The following ANKRD17 variants were observed in gnomAD, a reference collection of about 807,000 sequenced individuals.
ANKRD17 encodes ankyrin repeat domain-containing protein 17.
In ANKRD17, 19 loss-of-function variants were observed where a neutral mutation model predicts 229.7. The observed-to-expected ratio is 0.08, with a 90% confidence interval of 0.06 to 0.12. ANKRD17 has a LOEUF of 0.12. Among genes scored for constraint, ANKRD17 ranks in the 10% least tolerant of loss-of-function variants. The pLI is 1.00. For synonymous variants in ANKRD17, 1,112 were observed against 1,146.1 expected (o/e 0.97, Z 0.60); for missense variants, 2,176 against 3,176.8 (o/e 0.68, Z 7.57).
chr4:73,225,878 A>G (rs896787515), intron 1 of ANKRD17, among the ~76,000 whole-genome samples: 1 of 150,072 alleles, frequency 6.7e-6, no homozygotes, highest in Non-Finnish European at 1.5e-5. Flanking sequence ...AAAAAAAAAA[A>G]AAAAAAAGAA....
intron 16 of ANKRD17, among the ~76,000 whole-genome samples, chr4:73,132,710 T>C (rs1728379362): frequency 6.6e-6 from 1 of 152,192 alleles, no homozygotes; most frequent in African/African-American, 2.4e-5. Flanking sequence ...AAAAATTACA[T>C]GTAACTTCTC....
Position 73,139,839 on chromosome 4 carries a change from T to C in ANKRD17, c.2777A>G (p.Tyr926Cys), listed in dbSNP as rs1218025101. ...GVGEQLSEGDYARLQQVDPVL... is the reference protein window; with the variant it reads ...GVGEQLSEGDCARLQQVDPVL... ...AGGATCCACTTGCTGTAACCGTGCA[T>C]AGTCTCCCTCAGAAAGCTGCTCTCC... is the stretch of plus-strand genomic sequence containing the variant. The change falls in exon 15 of 34, where the codon TAT (tyrosine) becomes TGT (cysteine). Residue 926 changes from tyrosine to cysteine, a missense_variant. By Grantham distance (194) the Tyr-to-Cys change is radical. Transcript: ENST00000358602. 21 of 1,614,230 alleles carry C rather than the reference T, an allele frequency of 1.3e-5. No individual in the cohort carries two copies. The highest frequency in any genetic ancestry group is 1.6e-4 in the Middle Eastern group (1 of 6,062).
chr4:73,140,546 C>T (rs904446021), intron 14 of ANKRD17, among the ~76,000 whole-genome samples: 1 of 152,102 alleles, frequency 6.6e-6, no homozygotes, highest in Non-Finnish European at 1.5e-5. Flanking sequence ...TAGAGGAATG[C>T]AGGTTTGTGA....
intron 1 of ANKRD17, among the ~76,000 whole-genome samples, chr4:73,226,385 TTC>T (rs1742499446): frequency 1.4e-5 from 2 of 145,616 alleles, no homozygotes; most frequent in African/African-American, 5.0e-5. Context: ...ATTTCTTTTC[TTC>T]TGTTTTTTTT....
rs1726543109 is a variant in ANKRD17, at chr4:73,120,270, T to A, written c.3917A>T (p.Asp1306Val). 6.2e-7 allele frequency: 1 copy of A among 1,613,922 alleles called. No individual in the cohort carries two copies. Among genetic ancestry groups the A allele is most frequent in the Admixed American group, 1.7e-5 (1 of 59,988 alleles). Residue 1306 changes from aspartate to valine, a missense_variant, in exon 21 of 34, where the codon GAT becomes GTT. By Grantham distance (152) the Asp-to-Val change is radical (BLOSUM62 -3). Around this residue, in one of 18 missense-constraint regions of ANKRD17, gnomAD observed 178 missense variants for 421.7 expected, o/e 0.42. Coordinates refer to ENST00000358602, the MANE Select transcript of ANKRD17 (RefSeq NM_032217.5). ...AGGGGCATTAACATCAGCACCTTTA[T>A]CCAAAAGAACTCGGCCCACCTCCGC... is the stretch of plus-strand genomic sequence containing the variant. ...GYAEVGRVLL[D>V]KGADVNAPPV...
At chr4:73,225,075 G>T (rs1742329274) in intron 1 of ANKRD17, among the ~76,000 whole-genome samples, 1 of 152,186 alleles carries the variant, frequency 6.6e-6, no homozygotes, top group Non-Finnish European at 1.5e-5. Flanking sequence ...GGCATTTAAA[G>T]GCTGCTCAAA....
At chr4:73,249,236 G>C (rs1333606101) in intron 1 of ANKRD17, among the ~76,000 whole-genome samples, 1 of 152,120 alleles carries the variant, frequency 6.6e-6, no homozygotes, top group Non-Finnish European at 1.5e-5. Context: ...TTTAGAGCAG[G>C]TTCTTATTTC....
At chr4:73,232,262 T>A (rs1024798838) in intron 1 of ANKRD17, among the ~76,000 whole-genome samples, 4 of 152,176 alleles carry the variant, frequency 2.6e-5, no homozygotes, top group African/African-American at 9.7e-5. Flanking sequence ...CCAGGAGACA[T>A]ACCTTGCCTC....
chr4:73,150,747 A>G (rs1643497700), intron 7 of ANKRD17, among the ~76,000 whole-genome samples: 1 of 152,208 alleles, frequency 6.6e-6, no homozygotes, highest in Non-Finnish European at 1.5e-5. Context: ...TGTTCTCCTC[A>G]TAAATTTTTC....
Position 73,120,891 on chromosome 4 carries a change from T to C in ANKRD17, c.3839A>G (p.His1280Arg). ...CAGACTTTTTCTTACCTTAGCTCTGTGTTCAACATTTGCTTTTCTATCAAG... is the reference window on the plus strand; with the variant it reads ...CAGACTTTTTCTTACCTTAGCTCTGCGTTCAACATTTGCTTTTCTATCAAG... ...LLLDRKANVE[H>R]RAKTGLTPLM... The change falls in exon 20 of 34, where the codon CAC becomes CGC. Residue 1280 changes from histidine (H) to arginine (R), a missense_variant. His to Arg is a conservative substitution (Grantham distance 29, BLOSUM62 0). Transcript: ENST00000358602. 6.2e-7 allele frequency: 1 copy of C among 1,613,352 alleles called. No individual in the cohort carries two copies.
At position 73,215,186 on chromosome 4, in the gene ANKRD17, T is replaced by C. The variant is rs144354251; in HGVS notation, c.394-37653A>G. On this transcript the variant is annotated intron_variant, in intron 1 of 33. Transcript: ENST00000358602. ...CAAACTTCCAAGCAAAATTAGAATT[T>C]TGGAGATCTTATATCTGACACGTGA... 5.7e-4 allele frequency among the ~76,000 whole-genome samples: 87 copies of C among 152,284 alleles called. No homozygotes were observed. The East Asian group carries it at 9.4e-3, about 17-fold the overall frequency.
Position 73,149,120 on chromosome 4 carries a change from T to A in ANKRD17, c.1330-70A>T, listed in dbSNP as rs899638059. On this transcript the variant is annotated intron_variant, in intron 7 of 33. Transcript: ENST00000358602. Reference sequence around the variant, plus strand: ...AAATCTTGAAAAATTTGAAGACTTCTCAATTACTATACAATGAAGTTTATC... The same window carrying A: ...AAATCTTGAAAAATTTGAAGACTTCACAATTACTATACAATGAAGTTTATC... The A allele has an allele frequency of 2.4e-6, 3 of 1,233,952 alleles. No individual in the cohort carries two copies. In the Admixed American group the frequency reaches 6.2e-5, roughly 26 times the overall value. 76.4% of individuals were successfully genotyped at this position (1,233,952 alleles called of 1,614,324 possible).
At position 73,120,290 on chromosome 4, in the gene ANKRD17, C is replaced by T. The variant is rs1415345019; in HGVS notation, c.3897G>A (p.Glu1299=). Residue 1299 remains glutamate (E), a synonymous_variant, in exon 21 of 34, where the codon GAG becomes GAA. Coordinates refer to ENST00000358602, the MANE Select transcript of ANKRD17 (RefSeq NM_032217.5). ...LMEAASGGYA[E]VGRVLLDKGA... The stretch of plus-strand genomic sequence containing the variant: ...CTTTATCCAAAAGAACTCGGCCCAC[C>T]TCCGCATATCCACCAGAGGCAGCTT... The T allele has an allele frequency of 1.2e-6, 2 of 1,613,944 alleles. No homozygotes were observed. The highest frequency in any genetic ancestry group is 3.3e-5 in the Admixed American group (2 of 59,986).
intron 1 of ANKRD17, among the ~76,000 whole-genome samples, chr4:73,238,688 A>G (rs1437384683): frequency 1.3e-5 from 2 of 152,158 alleles, no homozygotes; most frequent in African/African-American, 4.8e-5. Flanking sequence ...CAGATCTGTA[A>G]AGAGGACTTA....
chr4:73,169,901 T>C (rs569061109), intron 2 of ANKRD17, among the ~76,000 whole-genome samples: 2 of 152,016 alleles, frequency 1.3e-5, no homozygotes, highest in South Asian at 2.1e-4. Context: ...CGCAAGGAAA[T>C]TGTCCATCCC....
intron 24 of ANKRD17, chr4:73,112,959 C>T (rs1203171277): frequency 2.0e-6 from 1 of 487,952 alleles, no homozygotes; most frequent in Non-Finnish European, 2.8e-6. Flanking sequence ...GGCTAATTTT[C>T]GTATTTTTGG....
rs1319596150 is a variant in ANKRD17, at chr4:73,075,603, GTA to G, written c.*626_*627del. 6.6e-6 allele frequency: 1 copy of G among 152,524 alleles called. No individual in the cohort carries two copies. Among genetic ancestry groups the G allele is most frequent in the African/African-American group, 2.4e-5 (1 of 41,422 alleles). The allele number at this position is 152,524 out of a possible 1,614,324, so 9.4% of individuals were successfully genotyped here. ...ATAAACCAAAAAGAAAGCAAGATGG[GTA>G]TTTTAAAAGCCAATGTGGGGAAACA... On this transcript the variant is annotated 3_prime_UTR_variant, in exon 34 of 34. Transcript: ENST00000358602.
At position 73,186,965 on chromosome 4, in the gene ANKRD17, T is replaced by TACAC. The variant is rs34337120; in HGVS notation, c.394-9436_394-9433dup. ...AAGATGGCTTTACAACACACACAGA[T>TACAC]ACACACACACACATATATACACACC... On this transcript the variant is annotated intron_variant, in intron 1 of 33. Transcript: ENST00000358602. 1.3e-4 allele frequency among the ~76,000 whole-genome samples: 20 copies of TACAC among 151,524 alleles called. 1 individual carries two copies. The highest frequency in any genetic ancestry group is 4.4e-4 in the African/African-American group (18 of 41,200).
intron 25 of ANKRD17, chr4:73,098,897 C>T (rs767397323): frequency 3.4e-5 from 40 of 1,190,240 alleles, no homozygotes; most frequent in Middle Eastern, 5.5e-4. Context: ...GAAGCGGGGC[C>T]GGGGCAGGCC....
Sources: allele counts gnomAD v4.1 joint callset (sites outside exome capture counted in the v4.1 genomes callset), GRCh38; gene constraint gnomAD v4.1.1; regional missense constraint gnomAD v4.1.1; transcripts MANE v1.5; gene names NCBI Gene and HGNC (gene_info 2026-07-23, HGNC 2026-07-21).